The following UBE2J1 variants were observed in gnomAD, a reference collection of about 807,000 sequenced individuals.
UBE2J1 encodes the protein ubiquitin conjugating enzyme E2 J1, also known as ubiquitin-conjugating enzyme E2 J1.
UBE2J1 carries 17 observed loss-of-function variants against 42.1 expected under a neutral mutation model. The ratio of observed to expected loss-of-function variants is 0.40; its 90% CI spans 0.28 to 0.61. The LOEUF is 0.61. UBE2J1 is among the 20% of genes least tolerant of loss of function. UBE2J1 has a pLI of 0.38. For synonymous variants in UBE2J1, 127 were observed against 137.2 expected, an observed-to-expected ratio of 0.93 and a Z score of 0.52; for missense variants, 291 against 389.4, an observed-to-expected ratio of 0.75 and a Z score of 2.13.
chr6:89,344,034 T>C (rs1201895941), intron 1 of UBE2J1, among the ~76,000 whole-genome samples: 1 of 152,180 alleles, frequency 6.6e-6, no homozygotes, highest in Non-Finnish European at 1.5e-5. Context: ...TGGTATTTAT[T>C]GAAGTGCTTT....
rs1008159871 is a variant in UBE2J1, at chr6:89,343,026, A to T, written c.106-571T>A. Among the ~76,000 whole-genome samples, 4 of 152,198 alleles carry T rather than the reference A, an allele frequency of 2.6e-5. No homozygotes were observed. The East Asian group carries it at 7.7e-4, about 29-fold the overall frequency. On this transcript the variant is annotated intron_variant, in intron 2 of 7. Coordinates refer to ENST00000435041, the MANE Select transcript of UBE2J1 (RefSeq NM_016021.3). ...ATACCCTCCTTTTACAAATGAGAAGACTGAGAGAGGCCGAGATGTTTATAC... is the reference window on the plus strand; with the variant it reads ...ATACCCTCCTTTTACAAATGAGAAGTCTGAGAGAGGCCGAGATGTTTATAC...
chr6:89,346,667 G>C (rs562020938), intron 1 of UBE2J1, among the ~76,000 whole-genome samples: 2 of 151,792 alleles, frequency 1.3e-5, no homozygotes, highest in Non-Finnish European at 2.9e-5. Flanking sequence ...ACAGTGCTTG[G>C]AGATTTCAAT....
intron 5 of UBE2J1, 152 bp from the exon 6 acceptor site, chr6:89,335,583 T>G: frequency 1.5e-5 from 8 of 540,106 alleles, no homozygotes; most frequent in Non-Finnish European, 2.1e-5. Flanking sequence ...AATTAGAAAA[T>G]TAATGTAATG....
rs541813124 is a variant in UBE2J1 at position 89,350,267 on chromosome 6, G to A, written c.31+2272C>T. ...TTAATCTTTCCACTCATACATCAAAGACAATCCCACATCAGATAAAGAGTA... is the reference window on the plus strand; with the variant it reads ...TTAATCTTTCCACTCATACATCAAAAACAATCCCACATCAGATAAAGAGTA... On this transcript the variant is annotated intron_variant, in intron 1 of 7. Coordinates refer to ENST00000435041, the MANE Select transcript of UBE2J1 (RefSeq NM_016021.3). Among the ~76,000 whole-genome samples, 328 of 152,260 alleles carry A rather than the reference G, an allele frequency of 2.2e-3. 2 individuals carry two copies. The highest frequency in any genetic ancestry group is 0.01 in the Middle Eastern group (3 of 294).
intron 1 of UBE2J1, among the ~76,000 whole-genome samples, chr6:89,344,659 T>C (rs1391968105): frequency 9.9e-5 from 15 of 152,240 alleles, no homozygotes; most frequent in Admixed American, 9.8e-4. Flanking sequence ...CAACAACCTC[T>C]ACTGGGATAC....
chr6:89,329,748 CA>C lies in UBE2J1; in HGVS notation c.887del (p.Leu296TrpfsTer28). 1 of 1,614,078 alleles carries C rather than the reference CA, an allele frequency of 6.2e-7. No homozygotes were observed. Among genetic ancestry groups the C allele is most frequent in the Non-Finnish European group, 8.5e-7 (1 of 1,179,986 alleles). On this transcript the variant is annotated frameshift_variant, in exon 8 of 8. Coordinates refer to ENST00000435041, the MANE Select transcript of UBE2J1 (RefSeq NM_016021.3). LOFTEE classifies it high-confidence loss of function. ...GSAVLIVILT[L>X]ALAALIFRRI... is the part of the protein sequence containing the mutation. ...GTCGGAATATAAGAGCTGCCAATGC[CA>C]AAGTCAGGATGACAATCAGTACAGC...
chr6:89,327,671 A>G lies in UBE2J1; in HGVS notation c.*2008T>C, dbSNP rs1767933769. The G allele has an allele frequency of 1.3e-5, 2 of 152,216 alleles. 1 individual carries two copies. Among genetic ancestry groups the G allele is most frequent in the South Asian group, 4.1e-4 (2 of 4,830 alleles). The allele number at this position is 152,216 out of a possible 1,614,324, so 9.4% of individuals were successfully genotyped here. A position where few individuals can be genotyped will look rare whatever the true frequency, so the allele number is the denominator to read the frequency against. On this transcript the variant is annotated 3_prime_UTR_variant, in exon 8 of 8. Coordinates refer to ENST00000435041, the MANE Select transcript of UBE2J1 (RefSeq NM_016021.3). ...CAAAATCTTCTTGGCTTTTTATTTA[A>G]CTTAGCAGTGAATGCAGCAGGATTG...
At chr6:89,338,841 A>AT (rs780784605) in intron 3 of UBE2J1, among the ~76,000 whole-genome samples, 3 of 151,608 alleles carry the variant, frequency 2.0e-5, no homozygotes, top group South Asian at 2.1e-4. Flanking sequence ...AATGTTTTGT[A>AT]TTTTTAGTAG....
Position 89,329,652 on chromosome 6 carries a change from T to C in UBE2J1, c.*27A>G, listed in dbSNP as rs552411406. 2.2e-5 allele frequency: 35 copies of C among 1,612,024 alleles called. No individual in the cohort carries two copies. In the South Asian group the frequency reaches 3.1e-4, roughly 14 times the overall value. The stretch of plus-strand genomic sequence containing the variant: ...CAGAATGTTTAATGAAGCAGTTGAG[T>C]CACAGCTCATAAGTCACAAAACCAT... On this transcript the variant is annotated 3_prime_UTR_variant, in exon 8 of 8. Coordinates refer to ENST00000435041, the MANE Select transcript of UBE2J1 (RefSeq NM_016021.3).
At chr6:89,333,932 G>A (rs1003099125) in intron 6 of UBE2J1, among the ~76,000 whole-genome samples, 1 of 152,200 alleles carries the variant, frequency 6.6e-6, no homozygotes, top group Non-Finnish European at 1.5e-5. Context: ...TGACATTTCT[G>A]TTTGTGAAGC....
chr6:89,338,493 G>A lies in UBE2J1; in HGVS notation c.288C>T (p.Gly96=), dbSNP rs1370105873. 1 of 1,604,446 alleles carries A rather than the reference G, an allele frequency of 6.2e-7. No homozygotes were observed. Among genetic ancestry groups the A allele is most frequent in the Non-Finnish European group, 8.5e-7 (1 of 1,177,524 alleles). ...VGKKICLSIS[G]HHPETWQPSW... is the part of the protein sequence containing the mutation. The stretch of plus-strand genomic sequence containing the variant: ...AAGGCTGCCAAGTTTCAGGATGATG[G>A]CCTGAGATGCTCAAACAGATTTTCT... The change falls in exon 4 of 8, where the codon GGC becomes GGT. Residue 96 remains glycine, a synonymous_variant. Transcript: ENST00000435041.
Position 89,329,844 on chromosome 6 carries a change from C to A in UBE2J1, c.792G>T (p.Arg264Ser). The change falls in exon 8 of 8, where the codon AGG becomes AGT. Residue 264 changes from arginine to serine, a missense_variant. Physicochemically the swap from Arg to Ser is moderately radical, Grantham distance 110 (BLOSUM62 -1). This residue lies in a region of UBE2J1 where 176 missense variants were observed against 196.3 expected (regional missense o/e 0.90). Transcript: ENST00000435041. ...GGATTACATCTGGTGAAGTAGACAACCTTCTCTGACTCTGCTGCTGGGCCC... is the reference window on the plus strand; with the variant it reads ...GGATTACATCTGGTGAAGTAGACAAACTTCTCTGACTCTGCTGCTGGGCCC... ...QRRAQQQSQR[R>S]LSTSPDVIQG... 1 of 1,614,076 alleles carries A rather than the reference C, an allele frequency of 6.2e-7. No homozygotes were observed. Among genetic ancestry groups the A allele is most frequent in the Non-Finnish European group, 8.5e-7 (1 of 1,179,990 alleles).
At position 89,332,083 on chromosome 6, in the gene UBE2J1, C is replaced by G. The variant is rs190165145; in HGVS notation, c.678+1003G>C. Among the ~76,000 whole-genome samples, 3 of 152,306 alleles carry G rather than the reference C, an allele frequency of 2.0e-5. No individual in the cohort carries two copies. The East Asian group carries it at 5.8e-4, about 29-fold the overall frequency. On this transcript the variant is annotated intron_variant, in intron 7 of 7. Transcript: ENST00000435041. ...GCTCACTCTCTGAATAGGAGAGACT[C>G]ACTCAAGACTATTCACTCCCACTTT...
chr6:89,348,431 C>T (rs1372045829), intron 1 of UBE2J1, among the ~76,000 whole-genome samples: 1 of 152,300 alleles, frequency 6.6e-6, no homozygotes, highest in Admixed American at 6.5e-5. Context: ...ATATGGATTC[C>T]TCTTCAAAAG....
chr6:89,345,083 G>A (rs2127871474), intron 1 of UBE2J1, among the ~76,000 whole-genome samples: 1 of 152,268 alleles, frequency 6.6e-6, no homozygotes. Flanking sequence ...GACAGGCTGG[G>A]CATCTAACTT....
rs202119381 is a variant in UBE2J1 at position 89,340,020 on chromosome 6, T to TAA, written c.238-1479_238-1478dup. 1.8e-3 allele frequency among the ~76,000 whole-genome samples: 247 copies of TAA among 139,456 alleles called. 1 individual carries two copies. The highest frequency in any genetic ancestry group is 3.1e-3 in the Admixed American group (44 of 14,064). 91.5% of individuals were successfully genotyped at this position (139,456 alleles called of 152,430 possible). A position where few individuals can be genotyped will look rare whatever the true frequency, so the allele number is the denominator to read the frequency against. ...GACAGAGTGAGACCCTATCTCAAGT[T>TAA]AAAAAAAAAAAAAGAATCTAAAAGA... On this transcript the variant is annotated intron_variant, in intron 3 of 7. Transcript: ENST00000435041.
intron 1 of UBE2J1, among the ~76,000 whole-genome samples, chr6:89,349,380 A>G (rs1488784595): frequency 6.6e-6 from 1 of 152,168 alleles, no homozygotes; most frequent in African/African-American, 2.4e-5. Flanking sequence ...AAATTTTTCA[A>G]TTTGGGGGTA....
At chr6:89,349,073 C>CA (rs1213758160) in intron 1 of UBE2J1, among the ~76,000 whole-genome samples, 1 of 152,108 alleles carries the variant, frequency 6.6e-6, no homozygotes, top group Non-Finnish European at 1.5e-5. Context: ...CTCGTCTCTA[C>CA]AAAAAATACA....
intron 1 of UBE2J1, among the ~76,000 whole-genome samples, chr6:89,344,121 T>C (rs534887852): frequency 6.6e-6 from 1 of 152,118 alleles, no homozygotes; most frequent in East Asian, 1.9e-4. Context: ...ATTTTCCAGA[T>C]GAAGAAGCCG....
Sources: allele counts gnomAD v4.1 joint callset (sites outside exome capture counted in the v4.1 genomes callset), GRCh38; gene constraint gnomAD v4.1.1; regional missense constraint gnomAD v4.1.1; transcripts MANE v1.5; gene names NCBI Gene and HGNC (gene_info 2026-07-23, HGNC 2026-07-21).